The following PRKACB variants were observed in gnomAD, a reference collection of about 807,000 sequenced individuals.
PRKACB encodes cAMP-dependent protein kinase catalytic subunit beta.
A neutral mutation model predicts 51.4 loss-of-function variants in PRKACB; 16 were observed. That is an observed-to-expected ratio of 0.31 (90% CI 0.21 to 0.47). The LOEUF is 0.47. Ranked by LOEUF, PRKACB falls within the 20% of genes least tolerant of loss-of-function variation. The pLI, the probability that PRKACB is intolerant of heterozygous loss-of-function variation, is 1.00. For missense variants in PRKACB, 309 were observed against 464.5 expected, an observed-to-expected ratio of 0.67 and a Z score of 3.08; for synonymous variants, 147 against 154.4, an observed-to-expected ratio of 0.95 and a Z score of 0.35.
At chr1:84,222,671 C>G (rs1375270997) in intron 9 of PRKACB, among the ~76,000 whole-genome samples, 1 of 152,186 alleles carries the variant, frequency 6.6e-6, no homozygotes, top group Non-Finnish European at 1.5e-5. Context: ...CTACCTTAAG[C>G]ATTTCCTGTA....
At chr1:84,157,771 A>G (rs1169507641) in intron 1 of PRKACB, among the ~76,000 whole-genome samples, 2 of 152,180 alleles carry the variant, frequency 1.3e-5, no homozygotes, top group Admixed American at 1.3e-4. Context: ...TGTTGTATGG[A>G]TATAATACAT....
intron 8 of PRKACB, chr1:84,204,415 GTTC>G (rs1380264518): frequency 1.1e-5 from 14 of 1,260,140 alleles, no homozygotes; most frequent in South Asian, 3.7e-5. Flanking sequence ...TATCACTGCT[GTTC>G]TTCTTACATT....
chr1:84,237,950 A>G lies in PRKACB; in HGVS notation c.*2645A>G, dbSNP rs967239400. The G allele has an allele frequency of 2.0e-5, 3 of 152,114 alleles. No individual in the cohort carries two copies. The highest frequency in any genetic ancestry group is 7.2e-5 in the African/African-American group (3 of 41,438). 9.4% of individuals were successfully genotyped at this position (152,114 alleles called of 1,614,324 possible). A position where few individuals can be genotyped will look rare whatever the true frequency, so the allele number is the denominator to read the frequency against. ...CCTAACTTTCACAGTCGATGACAAG[A>G]TTGTCTTTTTATCTGATATTTTGAA... On this transcript the variant is annotated 3_prime_UTR_variant, in exon 10 of 10. Transcript: ENST00000370685.
At chr1:84,125,096 G>A (rs768016293) in intron 1 of PRKACB, among the ~76,000 whole-genome samples, 4 of 152,066 alleles carry the variant, frequency 2.6e-5, no homozygotes, top group Non-Finnish European at 5.9e-5. Flanking sequence ...TGTTCTGTAG[G>A]TCAGAATTCT....
Position 84,104,818 on chromosome 1 carries a change from C to G in PRKACB, c.46+26447C>G, listed in dbSNP as rs182111251. Among the ~76,000 whole-genome samples the G allele has an allele frequency of 3.8e-3, 578 of 152,150 alleles. 3 individuals carry two copies. The highest frequency in any genetic ancestry group is 0.012 in the African/African-American group (514 of 41,512). ...TCCTTTCCAGAGAGCCCTCTGGAAC[C>G]CTTTTTCTATTGTAAACAAATTTAT... is the stretch of plus-strand genomic sequence containing the variant. On this transcript the variant is annotated intron_variant, in intron 1 of 8. Transcript: ENST00000370688.
chr1:84,099,993 G>A (rs1351384673), intron 1 of PRKACB, among the ~76,000 whole-genome samples: 1 of 152,106 alleles, frequency 6.6e-6, no homozygotes, highest in African/African-American at 2.4e-5. Context: ...AGATTGTAGG[G>A]AACTTTATAT....
intron 9 of PRKACB, among the ~76,000 whole-genome samples, chr1:84,220,159 G>C (rs1673486091): frequency 6.6e-6 from 1 of 151,604 alleles, no homozygotes; most frequent in Admixed American, 6.6e-5. Flanking sequence ...TTCTTGTAGA[G>C]GTCTTTCACC....
At chr1:84,146,555 A>G (rs559722813) in intron 1 of PRKACB, among the ~76,000 whole-genome samples, 1 of 152,118 alleles carries the variant, frequency 6.6e-6, no homozygotes. Context: ...TATGAACCAC[A>G]TTCTTCAAAG....
At chr1:84,116,342 C>T (rs1650634592) in intron 1 of PRKACB, among the ~76,000 whole-genome samples, 2 of 152,062 alleles carry the variant, frequency 1.3e-5, no homozygotes, top group African/African-American at 4.8e-5. Context: ...TTTTAGGTTG[C>T]ACATGAATTT....
chr1:84,131,366 A>T (rs1652186108), intron 1 of PRKACB, among the ~76,000 whole-genome samples: 1 of 151,738 alleles, frequency 6.6e-6, no homozygotes, highest in African/African-American at 2.4e-5. Flanking sequence ...AATTAATTCT[A>T]AGTAGACTTT....
intron 8 of PRKACB, among the ~76,000 whole-genome samples, chr1:84,205,908 G>A (rs987048302): frequency 1.3e-5 from 2 of 152,074 alleles, no homozygotes; most frequent in Non-Finnish European, 2.9e-5. Flanking sequence ...TATGATTCCT[G>A]CATTAACTAT....
chr1:84,217,529 T>C (rs749047113), intron 9 of PRKACB, among the ~76,000 whole-genome samples: 1 of 149,930 alleles, frequency 6.7e-6, no homozygotes, highest in Non-Finnish European at 1.5e-5. Context: ...GTGCAGTGGC[T>C]CACACCTGTA....
chr1:84,192,541 G>T (rs1667094475), intron 5 of PRKACB, among the ~76,000 whole-genome samples: 1 of 151,918 alleles, frequency 6.6e-6, no homozygotes, highest in Non-Finnish European at 1.5e-5. Flanking sequence ...GAGGATTTTT[G>T]GGAAAAAAGA....
At chr1:84,232,682 C>T (rs1376431857) in intron 9 of PRKACB, among the ~76,000 whole-genome samples, 7 of 152,054 alleles carry the variant, frequency 4.6e-5, no homozygotes, top group Non-Finnish European at 8.8e-5. Flanking sequence ...TTTTTTGACT[C>T]TTTTGATCTT....
chr1:84,151,927 A>G (rs1046350773), intron 1 of PRKACB, among the ~76,000 whole-genome samples: 5 of 152,216 alleles, frequency 3.3e-5, no homozygotes, highest in African/African-American at 1.2e-4. Flanking sequence ...ATAAATCACA[A>G]TGTTCTTACG....
chr1:84,216,026 A>G (rs1041141179), intron 9 of PRKACB, among the ~76,000 whole-genome samples: 1 of 152,128 alleles, frequency 6.6e-6, no homozygotes, highest in Non-Finnish European at 1.5e-5. Context: ...TCTAATTTAT[A>G]TATTTTACAA....
intron 1 of PRKACB, among the ~76,000 whole-genome samples, chr1:84,150,879 T>C (rs2100640488): frequency 6.6e-6 from 1 of 152,296 alleles, no homozygotes; most frequent in East Asian, 1.9e-4. Context: ...GATTTGAGAA[T>C]TTAACTCCAT....
chr1:84,111,655 G>A (rs1024205700), intron 1 of PRKACB, among the ~76,000 whole-genome samples: 1 of 151,636 alleles, frequency 6.6e-6, no homozygotes, highest in Non-Finnish European at 1.5e-5. Flanking sequence ...TATAATCTGT[G>A]CAACAAACCC....
intron 1 of PRKACB, among the ~76,000 whole-genome samples, chr1:84,097,958 G>T (rs551601546): frequency 6.6e-6 from 1 of 151,786 alleles, no homozygotes; most frequent in Non-Finnish European, 1.5e-5. Context: ...TCACAAACAC[G>T]CCCAGAAATA....
Sources: gnomAD v4.1 joint callset for allele counts (sites outside exome capture counted in the v4.1 genomes callset) on GRCh38, gnomAD v4.1.1 for gene constraint, MANE v1.5 for transcripts, NCBI Gene and HGNC (gene_info 2026-07-23, HGNC 2026-07-21) for gene names.